LHPP: variants seen among roughly 807,000 people sequenced by gnomAD.
LHPP encodes the protein hLHPP.
In LHPP, 24 loss-of-function variants were observed where a neutral mutation model predicts 30.3. The observed-to-expected ratio is 0.79, with a 90% CI of 0.57 to 1.11. The LOEUF (loss-of-function observed/expected upper bound fraction) is 1.11, where lower values mean the gene tolerates loss of function less well. Ranked by LOEUF, LHPP falls within the 50% of genes most tolerant of loss-of-function variation. The pLI is 0.00. For synonymous variants in LHPP, 150 were observed against 157.1 expected (o/e 0.95, Z 0.34); for missense variants, 356 against 367.2 (o/e 0.97, Z 0.25).
intron 1 of LHPP, among the ~76,000 whole-genome samples, chr10:124,483,027 G>A (rs1377847269): frequency 6.6e-6 from 1 of 151,938 alleles, no homozygotes; most frequent in African/African-American, 2.4e-5. Context: ...AAGGGTGGAT[G>A]TTACTTCATT....
chr10:124,472,849 C>T (rs369978786), intron 1 of LHPP, among the ~76,000 whole-genome samples: 1 of 152,178 alleles, frequency 6.6e-6, no homozygotes, highest in South Asian at 2.1e-4. Flanking sequence ...TGAGCCACTG[C>T]GCCCAGCCTA....
At chr10:124,583,448 G>T (rs1420378329) in intron 6 of LHPP, among the ~76,000 whole-genome samples, 2 of 152,136 alleles carry the variant, frequency 1.3e-5, no homozygotes, top group Non-Finnish European at 2.9e-5. Flanking sequence ...AAAATCAGTT[G>T]ACCATTGTAG....
chr10:124,466,265 C>CT (rs1564762853), intron 1 of LHPP, among the ~76,000 whole-genome samples: 1 of 152,134 alleles, frequency 6.6e-6, no homozygotes, highest in East Asian at 1.9e-4. Flanking sequence ...ATGCACGGTG[C>CT]GCTGTTTCTG....
At chr10:124,605,484 T>C (rs1949079737) in intron 6 of LHPP, 1 of 152,352 alleles carries the variant, frequency 6.6e-6, no homozygotes, top group South Asian at 2.1e-4. Flanking sequence ...ACTCGCCCTG[T>C]GGAAGGAGCA....
intron 6 of LHPP, among the ~76,000 whole-genome samples, chr10:124,562,727 C>T (rs1261333538): frequency 2.0e-5 from 3 of 152,098 alleles, no homozygotes; most frequent in African/African-American, 7.2e-5. Context: ...AGGCCAGGAG[C>T]TCGAGAACAG....
At chr10:124,589,843 G>A (rs972559205) in intron 6 of LHPP, among the ~76,000 whole-genome samples, 54 of 152,264 alleles carry the variant, frequency 3.5e-4, no homozygotes, top group Middle Eastern at 3.4e-3. Flanking sequence ...GTGCAGCCCC[G>A]TCCTCCAGCC....
chr10:124,551,500 C>T (rs1948165083), intron 6 of LHPP, among the ~76,000 whole-genome samples: 1 of 152,174 alleles, frequency 6.6e-6, no homozygotes, highest in Non-Finnish European at 1.5e-5. Context: ...CCCACACTTC[C>T]CTCACCAGAT....
chr10:124,496,688 C>T lies in LHPP; in HGVS notation c.468-273C>T, dbSNP rs118097523. On this transcript the variant is annotated intron_variant, in intron 3 of 6. Transcript: ENST00000368842. The surrounding 1 kb of genome is among the most constrained non-coding windows in gnomAD (Gnocchi z 4.3). ...GTTAATCATTGCAGCAGGGTCCCCACGAGTCTGACAGCAGGGTTGCGTTCT... is the reference window on the plus strand; with the variant it reads ...GTTAATCATTGCAGCAGGGTCCCCATGAGTCTGACAGCAGGGTTGCGTTCT... Among the ~76,000 whole-genome samples, 905 of 152,356 alleles carry T rather than the reference C, an allele frequency of 5.9e-3. 5 individuals are homozygous for T. The highest frequency in any genetic ancestry group is 9.6e-3 in the Non-Finnish European group (653 of 68,032).
At chr10:124,588,527 G>A (rs1948833558) in intron 6 of LHPP, among the ~76,000 whole-genome samples, 1 of 152,106 alleles carries the variant, frequency 6.6e-6, no homozygotes, top group Admixed American at 6.5e-5. Flanking sequence ...CAAGTGATCC[G>A]CCCGCCCAAA....
intron 1 of LHPP, among the ~76,000 whole-genome samples, chr10:124,470,683 A>ACAG (rs1554877243): frequency 6.7e-6 from 1 of 150,196 alleles, no homozygotes; most frequent in Non-Finnish European, 1.5e-5. Context: ...AACAACAACA[A>ACAG]TAATAATAAT....
At chr10:124,514,505 C>CGGCA (rs1267650479) in intron 5 of LHPP, among the ~76,000 whole-genome samples, 17 of 152,280 alleles carry the variant, frequency 1.1e-4, no homozygotes, top group African/African-American at 2.9e-4. Flanking sequence ...GCTTAAAAGA[C>CGGCA]GGCACTCCAC....
chr10:124,483,554 G>A (rs1040635767), intron 1 of LHPP, among the ~76,000 whole-genome samples: 2 of 152,040 alleles, frequency 1.3e-5, no homozygotes, highest in Non-Finnish European at 1.5e-5. Flanking sequence ...TCAGGAGTTC[G>A]AGACCAGCCT....
chr10:124,472,452 C>T (rs1245081695), intron 1 of LHPP, among the ~76,000 whole-genome samples: 3 of 152,116 alleles, frequency 2.0e-5, no homozygotes, highest in Non-Finnish European at 4.4e-5. Context: ...GACTGTTAGA[C>T]AGCTATGAAA....
intron 5 of LHPP, among the ~76,000 whole-genome samples, chr10:124,500,500 T>C (rs1953866848): frequency 6.6e-6 from 1 of 151,936 alleles, no homozygotes; most frequent in Non-Finnish European, 1.5e-5. Flanking sequence ...ATGATAATAA[T>C]AAATTTACTT....
chr10:124,467,536 G>A (rs76430789), intron 1 of LHPP, among the ~76,000 whole-genome samples: 1 of 72,200 alleles, frequency 1.4e-5, no homozygotes, highest in Non-Finnish European at 2.9e-5. Flanking sequence ...TTTTTTTTTT[G>A]AGACAGGATC....
intron 1 of LHPP, among the ~76,000 whole-genome samples, chr10:124,464,317 T>C (rs1165926101): frequency 6.6e-6 from 1 of 152,206 alleles, no homozygotes; most frequent in Non-Finnish European, 1.5e-5. Flanking sequence ...TATACCTATC[T>C]GTAGGTGGCA....
intron 5 of LHPP, among the ~76,000 whole-genome samples, chr10:124,508,229 G>A (rs976622221): frequency 7.9e-5 from 12 of 152,074 alleles, no homozygotes; most frequent in Admixed American, 2.6e-4. Flanking sequence ...GCCTCCCCAC[G>A]AACTCTGTTG....
chr10:124,464,524 C>T (rs943134716), intron 1 of LHPP, among the ~76,000 whole-genome samples: 1 of 152,198 alleles, frequency 6.6e-6, no homozygotes, highest in African/African-American at 2.4e-5. Context: ...ACCTAGGACA[C>T]TCCGCTGGGT....
rs1954660929 is a variant in LHPP at position 124,523,520 on chromosome 10, T to C, written c.716+6249T>C. 6.6e-6 allele frequency among the ~76,000 whole-genome samples: 1 copy of C among 152,262 alleles called. No homozygotes were observed. Among genetic ancestry groups the C allele is most frequent in the Non-Finnish European group, 1.5e-5 (1 of 68,040 alleles). On this transcript the variant is annotated intron_variant, in intron 6 of 6. Transcript: ENST00000368842. The surrounding 1 kb of genome is among the most constrained non-coding windows in gnomAD (Gnocchi z 4.2). ...TGACGGATTTCAGAGTGTTTCCTGT[T>C]ACGAGAAGGCTGTGGATTCGCTTTG...
Sources: gnomAD v4.1 joint callset for allele counts (sites outside exome capture counted in the v4.1 genomes callset) on GRCh38, gnomAD v4.1.1 for gene constraint, Gnocchi (gnomAD v3.1) non-coding constraint, MANE v1.5 for transcripts, NCBI Gene and HGNC (gene_info 2026-07-23, HGNC 2026-07-21) for gene names.